Variants in CSMD1 observed in about 807,000 individuals in gnomAD.
CSMD1 encodes CUB and sushi domain-containing protein 1.
Under a neutral mutation model 417.5 loss-of-function variants are expected in CSMD1, and 213 were observed. The ratio of observed to expected loss-of-function variants is 0.51; its 90% CI spans 0.46 to 0.57. The LOEUF is 0.57. Among genes scored for constraint, CSMD1 ranks in the 20% least tolerant of loss-of-function variants. The pLI, the probability that CSMD1 is intolerant of heterozygous loss-of-function variation, is 0.00. For missense variants in CSMD1, 6,923 were observed against 4,529.7 expected (o/e 1.53, Z -15.17); for synonymous variants, 2,862 against 1,736.8 (o/e 1.65, Z -16.11).
At chr8:3,004,879 C>T (rs926269600) in intron 52 of CSMD1, among the ~76,000 whole-genome samples, 22 of 152,218 alleles carry the variant, frequency 1.4e-4, no homozygotes, top group Admixed American at 1.2e-3. Flanking sequence ...TGGCTCATGC[C>T]TGTACTCCCA....
At chr8:3,451,798 G>C (rs1269131205) in intron 12 of CSMD1, among the ~76,000 whole-genome samples, 3 of 152,110 alleles carry the variant, frequency 2.0e-5, no homozygotes, top group Non-Finnish European at 4.4e-5. Flanking sequence ...TGTCGATGCG[G>C]GCTCTTTTTT....
At chr8:3,652,839 C>G (rs12680010) in intron 7 of CSMD1, among the ~76,000 whole-genome samples, 5 of 151,990 alleles carry the variant, frequency 3.3e-5, no homozygotes, top group Non-Finnish European at 7.4e-5. Context: ...TGCTCACTAC[C>G]GTATTGGCAG....
chr8:3,316,845 T>G (rs184998920), intron 23 of CSMD1, among the ~76,000 whole-genome samples: 3 of 152,122 alleles, frequency 2.0e-5, no homozygotes, highest in Non-Finnish European at 4.4e-5. Context: ...ACAAGTATAT[T>G]CGTATTTCAG....
chr8:3,764,550 G>A (rs74340281), intron 5 of CSMD1, among the ~76,000 whole-genome samples: 34 of 151,986 alleles, frequency 2.2e-4, no homozygotes, highest in Non-Finnish European at 3.8e-4. Context: ...GGGGAGTACA[G>A]GTTGCTGTGA....
chr8:4,208,203 A>T (rs1257847941), intron 3 of CSMD1, among the ~76,000 whole-genome samples: 3 of 152,208 alleles, frequency 2.0e-5, no homozygotes. Flanking sequence ...GCTATGGAAC[A>T]CAGATATTTC....
intron 2 of CSMD1, among the ~76,000 whole-genome samples, chr8:4,514,051 G>C (rs185840787): frequency 6.6e-6 from 1 of 152,218 alleles, no homozygotes; most frequent in African/African-American, 2.4e-5. Context: ...AAACTAGGTA[G>C]CTTAAACAAC....
chr8:3,133,490 G>C (rs1485122703), intron 41 of CSMD1, among the ~76,000 whole-genome samples: 1 of 152,158 alleles, frequency 6.6e-6, no homozygotes, highest in Admixed American at 6.5e-5. Flanking sequence ...GGGAGCAGAA[G>C]GCAATCCTGT....
intron 3 of CSMD1, among the ~76,000 whole-genome samples, chr8:4,262,244 C>T (rs1043131692): frequency 2.0e-5 from 3 of 152,108 alleles, no homozygotes; most frequent in East Asian, 3.9e-4. Flanking sequence ...AGTGAAACTC[C>T]GGGGCATGGT....
chr8:4,271,293 C>A lies in CSMD1; in HGVS notation c.415+148660G>T, dbSNP rs534887049. ...TAGGGGTTGGTGCCCTAACAGCAGG[C>A]AACCATCAACCCACAGAGGTTGGTG... On this transcript the variant is annotated intron_variant, in intron 3 of 69. Coordinates refer to ENST00000635120, the MANE Select transcript of CSMD1 (RefSeq NM_033225.6). Among the ~76,000 whole-genome samples, 59 of 152,220 alleles carry A rather than the reference C, an allele frequency of 3.9e-4. No individual in the cohort carries two copies. The South Asian group carries it at 0.012, about 31-fold the overall frequency.
At chr8:3,504,635 C>A (rs1796747395) in intron 10 of CSMD1, among the ~76,000 whole-genome samples, 1 of 152,218 alleles carries the variant, frequency 6.6e-6, no homozygotes, top group Admixed American at 6.5e-5. Flanking sequence ...TTCTCTCTGA[C>A]TCTGCAATTT....
intron 5 of CSMD1, among the ~76,000 whole-genome samples, chr8:3,761,500 A>ATTTTTTTTTTTTTT (rs57655479): frequency 1.1e-5 from 1 of 93,362 alleles, no homozygotes; most frequent in Non-Finnish European, 2.0e-5. Flanking sequence ...CAAAACGACC[A>ATTTTTTTTTTTTTT]TTTTTTTTTT....
intron 23 of CSMD1, among the ~76,000 whole-genome samples, chr8:3,322,918 A>G (rs568348837): frequency 2.9e-4 from 44 of 151,922 alleles, no homozygotes; most frequent in Non-Finnish European, 5.4e-4. Context: ...TAAGTCTCTG[A>G]ATTGTTTTTT....
At chr8:3,148,383 A>C (rs1279202721) in intron 40 of CSMD1, among the ~76,000 whole-genome samples, 1 of 152,222 alleles carries the variant, frequency 6.6e-6, no homozygotes, top group Non-Finnish European at 1.5e-5. Context: ...AGAATAAGGC[A>C]AGGTTCAGAG....
At position 3,190,067 on chromosome 8, in the gene CSMD1, C is replaced by T. The variant is rs1189857312; in HGVS notation, c.5243G>A (p.Arg1748Lys). 3.1e-6 allele frequency: 5 copies of T among 1,596,212 alleles called. No individual in the cohort carries two copies. Among genetic ancestry groups the T allele is most frequent in the South Asian group, 1.1e-5 (1 of 87,530 alleles). The change falls in exon 34 of 70, where the codon AGA (arginine) becomes AAA (lysine). Residue 1748 changes from arginine (R) to lysine (K), a missense_variant. Arg to Lys is a conservative substitution (Grantham distance 26). Transcript: ENST00000635120. ...CTCAGAACCAATTCTCCTTCCGTAT[C>T]TGGGCTCGGGGACAGAGCTGCATTG... ...DTQCSSVPEP[R>K]YGRRIGSEFS...
At position 4,013,720 on chromosome 8, in the gene CSMD1, A is replaced by G. The variant is rs1484259156; in HGVS notation, c.611-15610T>C. Among the ~76,000 whole-genome samples the G allele has an allele frequency of 3.9e-5, 6 of 152,336 alleles. No individual in the cohort carries two copies. The South Asian group carries it at 1.0e-3, about 26-fold the overall frequency. On this transcript the variant is annotated intron_variant, in intron 4 of 69. Transcript: ENST00000635120. Reference sequence around the variant, plus strand: ...ATATTGTAGCCCCAGCAGCTACAACAAATGTTGGCGAACTATAGCTTGTGG... The same window carrying G: ...ATATTGTAGCCCCAGCAGCTACAACGAATGTTGGCGAACTATAGCTTGTGG...
chr8:3,216,642 C>T (rs533442365), intron 29 of CSMD1, among the ~76,000 whole-genome samples: 16 of 152,300 alleles, frequency 1.1e-4, no homozygotes, highest in Middle Eastern at 3.4e-3. Context: ...CAGGATGTTC[C>T]GTGATAAATC....
At chr8:4,200,825 T>C (rs1019566921) in intron 3 of CSMD1, among the ~76,000 whole-genome samples, 20 of 152,330 alleles carry the variant, frequency 1.3e-4, no homozygotes, top group African/African-American at 4.8e-4. Context: ...GCCACTGCAC[T>C]CTCGCCTGAG....
intron 28 of CSMD1, among the ~76,000 whole-genome samples, chr8:3,222,006 C>T (rs1249606498): frequency 6.6e-6 from 1 of 152,138 alleles, no homozygotes; most frequent in Non-Finnish European, 1.5e-5. Context: ...TCCTCATCCC[C>T]TAACAGGATT....
intron 59 of CSMD1, among the ~76,000 whole-genome samples, chr8:2,965,457 A>C (rs1206334838): frequency 1.3e-5 from 2 of 152,112 alleles, no homozygotes; most frequent in African/African-American, 4.8e-5. Flanking sequence ...CTAGGGTCAC[A>C]GGTTTACCCA....
Sources: allele counts gnomAD v4.1 joint callset (sites outside exome capture counted in the v4.1 genomes callset), GRCh38; gene constraint gnomAD v4.1.1; transcripts MANE v1.5; gene names NCBI Gene and HGNC (gene_info 2026-07-23, HGNC 2026-07-21).